CPA6: variants seen among roughly 807,000 people sequenced by gnomAD.
CPA6 encodes carboxypeptidase B.
A neutral mutation model predicts 63.3 loss-of-function variants in CPA6; 58 were observed. The observed-to-expected ratio is 0.92, with a 90% CI of 0.74 to 1.14. The LOEUF (loss-of-function observed/expected upper bound fraction) is 1.14, where lower values mean the gene tolerates loss of function less well. Ranked by LOEUF, CPA6 falls within the 50% of genes most tolerant of loss-of-function variation. The pLI, the probability that CPA6 is intolerant of heterozygous loss-of-function variation, is 0.00. For synonymous variants in CPA6, 185 were observed against 179.0 expected (o/e 1.03, Z -0.27); for missense variants, 565 against 526.6 (o/e 1.07, Z -0.71).
chr8:67,509,089 G>T (rs539965207), intron 5 of CPA6, among the ~76,000 whole-genome samples: 2 of 152,072 alleles, frequency 1.3e-5, no homozygotes, highest in Non-Finnish European at 2.9e-5. Context: ...GATCTCATGA[G>T]AACTCACTAT....
At chr8:67,498,144 A>T (rs1183213568) in intron 6 of CPA6, among the ~76,000 whole-genome samples, 2 of 152,008 alleles carry the variant, frequency 1.3e-5, no homozygotes, top group Non-Finnish European at 2.9e-5. Context: ...CAAGTTCTGT[A>T]TGTGTATCTC....
At chr8:67,675,380 G>C (rs901028989) in intron 1 of CPA6, among the ~76,000 whole-genome samples, 1 of 152,050 alleles carries the variant, frequency 6.6e-6, no homozygotes, top group Non-Finnish European at 1.5e-5. Context: ...TGTGCTGGTG[G>C]ATCTGCACCT....
chr8:67,497,459 C>T (rs1811743824), intron 6 of CPA6, among the ~76,000 whole-genome samples: 2 of 152,108 alleles, frequency 1.3e-5, no homozygotes, highest in South Asian at 4.2e-4. Context: ...GAATAATGCC[C>T]TGTTGTATGG....
intron 2 of CPA6, among the ~76,000 whole-genome samples, chr8:67,590,241 A>G (rs908242464): frequency 3.3e-5 from 5 of 151,484 alleles, no homozygotes; most frequent in African/African-American, 1.2e-4. Context: ...ATGGCTGCAT[A>G]GTATTCCATG....
chr8:67,718,920 C>T (rs2129001430), intron 1 of CPA6, among the ~76,000 whole-genome samples: 1 of 152,258 alleles, frequency 6.6e-6, no homozygotes, highest in Non-Finnish European at 1.5e-5. Context: ...GCTGGGATTA[C>T]AGGCATGAGC....
At chr8:67,693,134 C>T (rs755165860) in intron 1 of CPA6, among the ~76,000 whole-genome samples, 12 of 152,202 alleles carry the variant, frequency 7.9e-5, no homozygotes, top group Non-Finnish European at 1.0e-4. Context: ...AAAATAGCTA[C>T]GAAATGAAAT....
chr8:67,490,559 G>A (rs891165031), intron 6 of CPA6, among the ~76,000 whole-genome samples: 4 of 152,192 alleles, frequency 2.6e-5, no homozygotes, highest in Admixed American at 2.6e-4. Flanking sequence ...AAGATACTAA[G>A]GAAAGTTTTT....
chr8:67,564,399 G>A (rs1406137304), intron 2 of CPA6, among the ~76,000 whole-genome samples: 8 of 151,170 alleles, frequency 5.3e-5, no homozygotes, highest in Admixed American at 3.3e-4. Flanking sequence ...GCTGAGCAGC[G>A]ACGATTAAAA....
At chr8:67,588,509 A>G (rs1054543204) in intron 2 of CPA6, among the ~76,000 whole-genome samples, 8 of 152,176 alleles carry the variant, frequency 5.3e-5, no homozygotes, top group African/African-American at 1.7e-4. Flanking sequence ...AGGAGAGGGC[A>G]ATTTGTACAG....
At chr8:67,529,546 C>T (rs556971248) in intron 2 of CPA6, among the ~76,000 whole-genome samples, 3 of 152,252 alleles carry the variant, frequency 2.0e-5, no homozygotes, top group Non-Finnish European at 2.9e-5. Context: ...CCTCCAATAT[C>T]CCCAGACAAA....
intron 2 of CPA6, among the ~76,000 whole-genome samples, chr8:67,530,653 C>T (rs147373188): frequency 1.4e-3 from 215 of 152,294 alleles, no homozygotes; most frequent in Non-Finnish European, 2.3e-3. Flanking sequence ...TGAGGTGATA[C>T]GCTGGCAGTC....
At chr8:67,475,861 T>G (rs1230093499) in intron 8 of CPA6, among the ~76,000 whole-genome samples, 1 of 98,974 alleles carries the variant, frequency 1.0e-5, no homozygotes, top group Non-Finnish European at 2.0e-5. Context: ...CTTTCTTTCT[T>G]TCTTTCTTTC....
At chr8:67,513,113 G>C (rs1323397264) in intron 3 of CPA6, among the ~76,000 whole-genome samples, 16 of 152,284 alleles carry the variant, frequency 1.1e-4, no homozygotes, top group African/African-American at 3.8e-4. Flanking sequence ...GTGGCTCAAA[G>C]CTTGGTTAAG....
At chr8:67,624,873 T>C (rs1815161659) in intron 1 of CPA6, among the ~76,000 whole-genome samples, 1 of 152,174 alleles carries the variant, frequency 6.6e-6, no homozygotes, top group Non-Finnish European at 1.5e-5. Context: ...TTTACAACTG[T>C]TACCAAAACA....
intron 1 of CPA6, among the ~76,000 whole-genome samples, chr8:67,647,763 T>C (rs369645265): frequency 1.3e-4 from 20 of 152,130 alleles, no homozygotes; most frequent in African/African-American, 4.6e-4. Context: ...AAGGCTGAAG[T>C]CTGTCAATGT....
chr8:67,663,850 G>C (rs1816171892), intron 1 of CPA6, among the ~76,000 whole-genome samples: 1 of 152,106 alleles, frequency 6.6e-6, no homozygotes. Context: ...AACATTGAAA[G>C]CCTCCAACAT....
chr8:67,470,452 A>G (rs1811032973), intron 8 of CPA6, among the ~76,000 whole-genome samples: 1 of 152,176 alleles, frequency 6.6e-6, no homozygotes, highest in Non-Finnish European at 1.5e-5. Context: ...ATAACCTAAT[A>G]GATAAATGTT....
At chr8:67,579,084 G>A (rs1251295642) in intron 2 of CPA6, among the ~76,000 whole-genome samples, 2 of 152,302 alleles carry the variant, frequency 1.3e-5, no homozygotes, top group African/African-American at 4.8e-5. Flanking sequence ...AAACCCAATA[G>A]TTCTTTTAAG....
At chr8:67,608,676 G>A (rs1245608328) in intron 2 of CPA6, among the ~76,000 whole-genome samples, 1 of 152,192 alleles carries the variant, frequency 6.6e-6, no homozygotes, top group Non-Finnish European at 1.5e-5. Context: ...GGATGGCAAA[G>A]CTAAAGGAAC....
Sources: allele counts gnomAD v4.1 joint callset (sites outside exome capture counted in the v4.1 genomes callset), GRCh38; gene constraint gnomAD v4.1.1; transcripts MANE v1.5; gene names NCBI Gene and HGNC (gene_info 2026-07-23, HGNC 2026-07-21).